MROH7: variants seen among roughly 807,000 people sequenced by gnomAD.
MROH7 encodes maestro heat-like repeat-containing protein family member 7.
A neutral mutation model predicts 129.2 loss-of-function variants in MROH7; 113 were observed. The observed-to-expected ratio is 0.87, with a 90% CI of 0.75 to 1.02. The LOEUF (loss-of-function observed/expected upper bound fraction) is 1.02, where lower values mean the gene tolerates loss of function less well. Ranked by LOEUF, MROH7 falls within the 50% of genes least tolerant of loss-of-function variation. The probability of loss-of-function intolerance (pLI) is 0.00; values close to 1 mark genes in which losing one functional copy is unlikely to be tolerated. For missense variants in MROH7, 1,601 were observed against 1,671.3 expected (o/e 0.96, Z 0.73); for synonymous variants, 655 against 667.9 (o/e 0.98, Z 0.30).
In MROH7 at chr1:54,699,141, T is replaced by TC. The variant is rs1491384981; in HGVS notation, c.2965-1179dup. On this transcript the variant is annotated intron_variant, in intron 17 of 23. Coordinates refer to ENST00000421030, the MANE Select transcript of MROH7 (RefSeq NM_001039464.4). ...TTCTTTCTTTCTTTCTTTCTTTCTTTCTTTCTTTCTTTCTTTCTTTTCTTT... is the reference window on the plus strand; with the variant it reads ...TTCTTTCTTTCTTTCTTTCTTTCTTTCCTTTCTTTCTTTCTTTCTTTTCTTT... The TC allele has an allele frequency of 1.1e-4, 11 of 104,678 alleles. 1 individual carries two copies. The highest frequency in any genetic ancestry group is 4.1e-4 in the African/African-American group (11 of 26,680). The allele number at this position is 104,678 out of a possible 1,614,324, so 6.5% of individuals were successfully genotyped here.
At position 54,691,124 on chromosome 1, in the gene MROH7, ACT is replaced by A. The variant is rs149565534; in HGVS notation, c.2712-1297_2712-1296del. 8.6e-3 allele frequency among the ~76,000 whole-genome samples: 1,315 copies of A among 152,166 alleles called. 27 individuals carry two copies. Among genetic ancestry groups the A allele is most frequent in the African/African-American group, 0.03 (1,245 of 41,506 alleles). ...AATGGTGATGGGAGAATTGGACAAC[ACT>A]CTGAGCCTGCCTGTCTTTCTCCCTC... On this transcript the variant is annotated intron_variant, in intron 15 of 23. Transcript: ENST00000421030.
At chr1:54,695,522 A>G (rs751011032) in intron 17 of MROH7, 32 bp downstream of exon 17, 3 of 1,465,118 alleles carry the variant, frequency 2.0e-6, no homozygotes, top group African/African-American at 1.4e-5. Context: ...ACACAGCGGG[A>G]GCTCCTCCCG....
chr1:54,680,640 G>T (rs1645054997), intron 13 of MROH7, among the ~76,000 whole-genome samples: 1 of 152,206 alleles, frequency 6.6e-6, no homozygotes, highest in South Asian at 2.1e-4. Flanking sequence ...TGGGCAGAGG[G>T]GACTGTGGTC....
intron 15 of MROH7, among the ~76,000 whole-genome samples, chr1:54,687,045 C>CTTATTTATTTATTTAT (rs143476331): frequency 6.9e-6 from 1 of 145,522 alleles, no homozygotes; most frequent in Non-Finnish European, 1.5e-5. Flanking sequence ...GAGCTGTCTC[C>CTTATTTATTTATTTAT]TTATTTATTT....
chr1:54,668,996 T>C, intron 5 of MROH7, 59 bp downstream of exon 5: 1 of 1,309,378 alleles, frequency 7.6e-7, no homozygotes, highest in South Asian at 1.2e-5. Flanking sequence ...AATTCCTGAG[T>C]CCACCCACTG....
At chr1:54,670,771 C>T in intron 6 of MROH7, 29 bp from the exon 7 acceptor site, 1 of 1,611,116 alleles carries the variant, frequency 6.2e-7, no homozygotes, top group Non-Finnish European at 8.5e-7. Context: ...TCTCTCACTC[C>T]ATTTCTTTGC....
At chr1:54,709,585 C>T (rs975127858) in intron 23 of MROH7, among the ~76,000 whole-genome samples, 6 of 152,234 alleles carry the variant, frequency 3.9e-5, no homozygotes, top group Non-Finnish European at 8.8e-5. Context: ...AGAGACAGAA[C>T]ACACAGCCCC....
At chr1:54,647,551 C>T (rs1644485439) in intron 1 of MROH7, among the ~76,000 whole-genome samples, 1 of 151,970 alleles carries the variant, frequency 6.6e-6, no homozygotes, top group Non-Finnish European at 1.5e-5. Flanking sequence ...ACCAGCCTGA[C>T]CAATATGATG....
intron 3 of MROH7, among the ~76,000 whole-genome samples, chr1:54,660,594 AC>A (rs1644717134): frequency 1.3e-5 from 2 of 152,214 alleles, no homozygotes; most frequent in African/African-American, 2.4e-5. Flanking sequence ...CAGGCGGATC[AC>A]CTGAGGTCAG....
At chr1:54,646,501 T>A (rs539157516) in intron 1 of MROH7, among the ~76,000 whole-genome samples, 5 of 152,380 alleles carry the variant, frequency 3.3e-5, no homozygotes, top group African/African-American at 1.2e-4. Flanking sequence ...AGTCCTGAGA[T>A]GCCTAGTCAG....
intron 7 of MROH7, among the ~76,000 whole-genome samples, chr1:54,671,948 A>T (rs1644909695): frequency 1.3e-5 from 2 of 151,912 alleles, no homozygotes; most frequent in African/African-American, 4.8e-5. Context: ...GAAGGCCTAG[A>T]TGGGGGTCAG....
At chr1:54,695,709 C>T in intron 17 of MROH7, 1 of 586,860 alleles carries the variant, frequency 1.7e-6, no homozygotes, top group Non-Finnish European at 3.1e-6. Flanking sequence ...CCCCTAGTGC[C>T]CAGGGAACCA....
In MROH7 at chr1:54,702,102, G is replaced by A. The variant is rs1465274875; in HGVS notation, c.3298G>A (p.Val1100Met). Residue 1100 changes from valine to methionine, a missense_variant, in exon 20 of 24, where the codon GTG becomes ATG. By Grantham distance (21) the Val-to-Met change is conservative. Transcript: ENST00000421030. ...TGGTCTTCCCCAGGCACGAGAGGTC[G>A]TGCGCTCCTCCTGCATCAACCTGTA... Reference protein sequence around the residue: ...LPHFSDAREVVRSSCINLYGK... With the variant: ...LPHFSDAREVMRSSCINLYGK... 31 of 1,601,112 alleles carry A rather than the reference G, an allele frequency of 1.9e-5. No homozygotes were observed. The highest frequency in any genetic ancestry group is 8.5e-5 in the Admixed American group (5 of 58,914).
chr1:54,642,535 G>C (rs1644404144), intron 1 of MROH7, among the ~76,000 whole-genome samples: 1 of 152,166 alleles, frequency 6.6e-6, no homozygotes, highest in Non-Finnish European at 1.5e-5. Flanking sequence ...GAATCTCTAT[G>C]GTATTATAGG....
Position 54,641,959 on chromosome 1 carries a change from C to G in MROH7, c.-119C>G, listed in dbSNP as rs1474784103. ...GATTTTCTGTTACCATGTGGATGCTCCAGGTGAAGGTAACACATTGAACTT... is the reference window on the plus strand; with the variant it reads ...GATTTTCTGTTACCATGTGGATGCTGCAGGTGAAGGTAACACATTGAACTT... On this transcript the variant is annotated 5_prime_UTR_variant, in exon 1 of 24. Transcript: ENST00000421030. 6.6e-6 allele frequency: 1 copy of G among 152,238 alleles called. No individual in the cohort carries two copies. The highest frequency in any genetic ancestry group is 1.5e-5 in the Non-Finnish European group (1 of 68,084). The allele number at this position is 152,238 out of a possible 1,614,324, so 9.4% of individuals were successfully genotyped here.
At chr1:54,656,734 C>T (rs115006254) in intron 3 of MROH7, among the ~76,000 whole-genome samples, 1 of 152,020 alleles carries the variant, frequency 6.6e-6, no homozygotes, top group African/African-American at 2.4e-5. Flanking sequence ...CTACTTAAAC[C>T]TGGGAGGCAG....
rs371231994 is a variant in MROH7 at position 54,706,514 on chromosome 1, G to A, written c.3644G>A (p.Arg1215Gln). 38 of 1,613,168 alleles carry A rather than the reference G, an allele frequency of 2.4e-5. No homozygotes were observed. The highest frequency in any genetic ancestry group is 6.7e-5 in the Admixed American group (4 of 59,878). The stretch of plus-strand genomic sequence containing the variant: ...GCCAAGAACTCACGGGCCTCCCTCC[G>A]GAAGTGCTCAGTCATGTTCATAGGT... ...EYAKNSRASL[R>Q]KCSVMFIGSL... Residue 1215 changes from arginine to glutamine, a missense_variant, in exon 22 of 24, where the codon CGG (arginine) becomes CAG (glutamine). Transcript: ENST00000421030.
At chr1:54,674,652 C>A (rs970519820) in intron 10 of MROH7, among the ~76,000 whole-genome samples, 1 of 152,152 alleles carries the variant, frequency 6.6e-6, no homozygotes, top group Non-Finnish European at 1.5e-5. Context: ...GCAGCTAAAG[C>A]TTGTAGTTGG....
In MROH7 at chr1:54,698,471, T is replaced by G. The variant is rs532144884; in HGVS notation, c.2965-1850T>G. On this transcript the variant is annotated intron_variant, in intron 17 of 23. Coordinates refer to ENST00000421030, the MANE Select transcript of MROH7 (RefSeq NM_001039464.4). ...CGGGTGATAGGTGGAGCCCCTCCTT[T>G]TCTGCCTCCTCCCCCGGTGACCTGT... The G allele has an allele frequency of 2.0e-5, 3 of 153,036 alleles. No homozygotes were observed. The East Asian group carries it at 5.8e-4, about 30-fold the overall frequency. 9.5% of individuals were successfully genotyped at this position (153,036 alleles called of 1,614,324 possible).
Sources: allele counts gnomAD v4.1 joint callset (sites outside exome capture counted in the v4.1 genomes callset), GRCh38; gene constraint gnomAD v4.1.1; transcripts MANE v1.5; gene names NCBI Gene and HGNC (gene_info 2026-07-23, HGNC 2026-07-21).